Variants in CAMKK2 observed in about 807,000 individuals in gnomAD.
CAMKK2 encodes the protein calcium/calmodulin dependent protein kinase kinase 2.
A neutral mutation model predicts 67.2 loss-of-function variants in CAMKK2; 30 were observed. The observed-to-expected ratio is 0.45, with a 90% CI of 0.33 to 0.61. The LOEUF is 0.61. Ranked by LOEUF, CAMKK2 falls within the 20% of genes least tolerant of loss-of-function variation. The pLI is 0.02. For synonymous variants in CAMKK2, 322 were observed against 326.2 expected (o/e 0.99, Z 0.14); for missense variants, 643 against 802.0 (o/e 0.80, Z 2.39).
In CAMKK2 at chr12:121,285,814, A is replaced by G. The variant is rs1423338268; in HGVS notation, c.-60+10824T>C. ...GTGACAGAGCGAGACCCTGTCTCAA[A>G]AAAGAGAGTAGATGTGTGACCCAAG... On this transcript the variant is annotated intron_variant, in intron 1 of 16. Coordinates refer to ENST00000404169, the MANE Select transcript of CAMKK2 (RefSeq NM_001270485.2). This position sits in a 1 kb window ranked among gnomAD's most constrained non-coding sequence, Gnocchi z 4.1. 6.6e-6 allele frequency among the ~76,000 whole-genome samples: 1 copy of G among 152,098 alleles called. No individual in the cohort carries two copies. Among genetic ancestry groups the G allele is most frequent in the African/African-American group, 2.4e-5 (1 of 41,424 alleles).
In CAMKK2 at chr12:121,255,641, G is replaced by A. The variant is rs1481647333; in HGVS notation, c.819-3C>T. The A allele has an allele frequency of 6.2e-7, 1 of 1,612,320 alleles. No homozygotes were observed. Among genetic ancestry groups the A allele is most frequent in the African/African-American group, 1.3e-5 (1 of 74,708 alleles). On this transcript the variant is annotated splice_polypyrimidine_tract_variant and splice_region_variant and intron_variant, in intron 8 of 16. Coordinates refer to ENST00000404169, the MANE Select transcript of CAMKK2 (RefSeq NM_001270485.2). The stretch of plus-strand genomic sequence containing the variant: ...GGGTGGGCACTTCCATCACGGGCCT[G>A]AAAGGTCGACACTCATGTGAAACAC...
At position 121,241,087 on chromosome 12, in the gene CAMKK2, G is replaced by C. The variant is rs558009019; in HGVS notation, c.1597-218C>G. Among the ~76,000 whole-genome samples the C allele has an allele frequency of 9.9e-5, 15 of 152,244 alleles. No individual in the cohort carries two copies. The East Asian group carries it at 2.7e-3, about 27-fold the overall frequency. ...GCACGCAGCCCCTCTGTAAATGAAA[G>C]ACCAGCATCATTTGCCAAAAATAGC... On this transcript the variant is annotated intron_variant, in intron 16 of 16. Coordinates refer to ENST00000404169, the MANE Select transcript of CAMKK2 (RefSeq NM_001270485.2).
intron 14 of CAMKK2, among the ~76,000 whole-genome samples, chr12:121,246,487 A>C (rs866843882): frequency 5.9e-5 from 9 of 151,998 alleles, no homozygotes; most frequent in Non-Finnish European, 8.8e-5. Flanking sequence ...CGGAGGTTGC[A>C]GTGAGCCAAG....
chr12:121,252,846 C>G lies in CAMKK2; in HGVS notation c.1108-132G>C, dbSNP rs940009835. 2.2e-5 allele frequency: 18 copies of G among 836,304 alleles called. No individual in the cohort carries two copies. In the African/African-American group the frequency reaches 2.4e-4, roughly 11 times the overall value. 51.8% of individuals were successfully genotyped at this position (836,304 alleles called of 1,614,324 possible). On this transcript the variant is annotated intron_variant, in intron 10 of 16. Coordinates refer to ENST00000404169, the MANE Select transcript of CAMKK2 (RefSeq NM_001270485.2). ...GGCGGGACCAATCTTGTCTCCTAGG[C>G]TCTGGGGCAGGCACAGGATCCAGGC...
intron 11 of CAMKK2, 48 bp downstream of exon 11, chr12:121,252,613 C>A: frequency 6.4e-7 from 1 of 1,566,518 alleles, no homozygotes; most frequent in African/African-American, 1.3e-5. Flanking sequence ...ACTATTAACC[C>A]AGGGGCCACC....
chr12:121,267,129 A>T (rs1342033941), intron 5 of CAMKK2, among the ~76,000 whole-genome samples: 43 of 97,028 alleles, frequency 4.4e-4, no homozygotes, highest in African/African-American at 1.8e-3. Flanking sequence ...TTTTTTTGAG[A>T]GATGGAGTCT....
In CAMKK2 at chr12:121,257,392, A is replaced by G. The variant is rs910853898; in HGVS notation, c.797-1588T>C. ...CTCCCGAGTAGCTGGGACTACAGGC[A>G]CCTGCCACCACACCCGGCTAATTTT... On this transcript the variant is annotated intron_variant, in intron 7 of 16. Coordinates refer to ENST00000404169, the MANE Select transcript of CAMKK2 (RefSeq NM_001270485.2). Among the ~76,000 whole-genome samples, 5 of 151,932 alleles carry G rather than the reference A, an allele frequency of 3.3e-5. No homozygotes were observed. The East Asian group carries it at 5.8e-4, about 18-fold the overall frequency.
At chr12:121,281,133 A>T (rs1897705649) in intron 1 of CAMKK2, among the ~76,000 whole-genome samples, 1 of 151,928 alleles carries the variant, frequency 6.6e-6, no homozygotes, top group Non-Finnish European at 1.5e-5. Flanking sequence ...CTGTCCCTTT[A>T]TTTCTCAAGC....
chr12:121,297,524 C>G (rs2136717851), upstream of CAMKK2: 1 of 488,610 alleles, frequency 2.0e-6, no homozygotes, highest in African/African-American at 2.0e-5. Flanking sequence ...CCATTCTCCC[C>G]TTTTTGGCAC....
chr12:121,240,557 A>G lies in CAMKK2; in HGVS notation c.*142T>C. 6.5e-7 allele frequency: 1 copy of G among 1,533,232 alleles called. No homozygotes were observed. The highest frequency in any genetic ancestry group is 8.7e-7 in the Non-Finnish European group (1 of 1,146,258). 95.0% of individuals were successfully genotyped at this position (1,533,232 alleles called of 1,614,324 possible). Reference sequence around the variant, plus strand: ...TTTTTTGTCCCCTTTAAAACAACAAAGGAAAAAACAAATAACCAGAGATGA... The same window carrying G: ...TTTTTTGTCCCCTTTAAAACAACAAGGGAAAAAACAAATAACCAGAGATGA... On this transcript the variant is annotated 3_prime_UTR_variant, in exon 17 of 17. Coordinates refer to ENST00000404169, the MANE Select transcript of CAMKK2 (RefSeq NM_001270485.2). The surrounding 1 kb of genome is among the most constrained non-coding windows in gnomAD (Gnocchi z 4.4).
chr12:121,268,268 G>A (rs2136377113), intron 5 of CAMKK2, among the ~76,000 whole-genome samples: 1 of 151,774 alleles, frequency 6.6e-6, no homozygotes, highest in Middle Eastern at 3.4e-3. Flanking sequence ...CTGTTCTCTT[G>A]GGTATATAAG....
At chr12:121,265,163 G>T (rs1019586009) in intron 5 of CAMKK2, among the ~76,000 whole-genome samples, 3 of 152,086 alleles carry the variant, frequency 2.0e-5, no homozygotes, top group Non-Finnish European at 2.9e-5. Flanking sequence ...AAACCCTCAC[G>T]ATGGCACACA....
chr12:121,291,827 G>A (rs1337704602), intron 1 of CAMKK2, among the ~76,000 whole-genome samples: 1 of 152,120 alleles, frequency 6.6e-6, no homozygotes, highest in East Asian at 1.9e-4. Flanking sequence ...GGAGGCCGAG[G>A]CGGGCAGATC....
upstream of CAMKK2, chr12:121,297,546 G>T: frequency 3.9e-6 from 2 of 506,458 alleles, no homozygotes; most frequent in Non-Finnish European, 7.9e-6. Flanking sequence ...TACTTTGCTG[G>T]AGCCTTAAGT....
At position 121,250,520 on chromosome 12, in the gene CAMKK2, T is replaced by G. The variant is rs562727332; in HGVS notation, c.1162-486A>C. On this transcript the variant is annotated intron_variant, in intron 11 of 16. Transcript: ENST00000404169. ...TTCTTCTCACCAACATCTACGTGGCTTGGTCTCTCCCACCATGCAGGTGTC... is the reference window on the plus strand; with the variant it reads ...TTCTTCTCACCAACATCTACGTGGCGTGGTCTCTCCCACCATGCAGGTGTC... 5.3e-5 allele frequency among the ~76,000 whole-genome samples: 8 copies of G among 152,290 alleles called. No homozygotes were observed. In the East Asian group the frequency reaches 1.5e-3, roughly 29 times the overall value.
intron 15 of CAMKK2, 62 bp from the exon 16 acceptor site, chr12:121,244,677 C>T: frequency 7.4e-7 from 1 of 1,352,086 alleles, no homozygotes; most frequent in African/African-American, 1.4e-5. Flanking sequence ...CCACGGGATG[C>T]CCGTTCCCCC....
chr12:121,255,400 C>G lies in CAMKK2; in HGVS notation c.907+150G>C, dbSNP rs573736497. 70 of 136,912 alleles carry G rather than the reference C, an allele frequency of 5.1e-4. 1 individual carries two copies. The highest frequency in any genetic ancestry group is 8.8e-4 in the Non-Finnish European group (62 of 70,242). 8.5% of individuals were successfully genotyped at this position (136,912 alleles called of 1,614,324 possible). ...TATAATTTTATATATATATATGTATCTCCTATTAGTTCTGTCCCTCTAGAG... is the reference window on the plus strand; with the variant it reads ...TATAATTTTATATATATATATGTATGTCCTATTAGTTCTGTCCCTCTAGAG... On this transcript the variant is annotated intron_variant, in intron 9 of 16. Coordinates refer to ENST00000404169, the MANE Select transcript of CAMKK2 (RefSeq NM_001270485.2).
chr12:121,262,815 C>A (rs1893733784), intron 6 of CAMKK2, among the ~76,000 whole-genome samples: 1 of 152,154 alleles, frequency 6.6e-6, no homozygotes, highest in African/African-American at 2.4e-5. Context: ...CCACCTCAGC[C>A]TCCCAAAGTG....
At chr12:121,267,679 G>A (rs1894903158) in intron 5 of CAMKK2, among the ~76,000 whole-genome samples, 1 of 151,368 alleles carries the variant, frequency 6.6e-6, no homozygotes, top group African/African-American at 2.4e-5. Flanking sequence ...TTTTAGTAAA[G>A]ATAGGGCTTC....
Sources: allele counts gnomAD v4.1 joint callset (sites outside exome capture counted in the v4.1 genomes callset), GRCh38; gene constraint gnomAD v4.1.1; non-coding constraint Gnocchi (gnomAD v3.1); transcripts MANE v1.5; gene names NCBI Gene and HGNC (gene_info 2026-07-23, HGNC 2026-07-21).